Variants in EPSTI1 observed in about 807,000 individuals in gnomAD.
EPSTI1 encodes the protein epithelial stromal interaction 1.
In EPSTI1, 66 loss-of-function variants were observed where a neutral mutation model predicts 49.9. The ratio of observed to expected loss-of-function variants is 1.32; its 90% CI spans 1.08 to 1.62. The LOEUF is 1.62. EPSTI1 is among the 40% of genes most tolerant of loss of function. The probability of loss-of-function intolerance (pLI) is 0.00; values close to 1 mark genes in which losing one functional copy is unlikely to be tolerated. For missense variants in EPSTI1, 394 were observed against 365.5 expected (o/e 1.08, Z -0.64); for synonymous variants, 137 against 130.7 (o/e 1.05, Z -0.33).
intron 6 of EPSTI1, among the ~76,000 whole-genome samples, chr13:42,948,424 T>TG (rs2038986350): frequency 7.5e-6 from 1 of 134,102 alleles, no homozygotes; most frequent in African/African-American, 2.8e-5. Context: ...AGTGGCTTGT[T>TG]GTTTTTTTTT....
At chr13:42,978,889 A>C (rs2039932028) in intron 1 of EPSTI1, among the ~76,000 whole-genome samples, 1 of 152,106 alleles carries the variant, frequency 6.6e-6, no homozygotes, top group South Asian at 2.1e-4. Flanking sequence ...TTCTTTCATA[A>C]ATATATATCA....
At chr13:42,906,021 A>G (rs2153413832) in intron 8 of EPSTI1, among the ~76,000 whole-genome samples, 1 of 152,342 alleles carries the variant, frequency 6.6e-6, no homozygotes, top group Non-Finnish European at 1.5e-5. Context: ...CTTCCTACAA[A>G]CATTGGCCAA....
chr13:42,963,911 C>T (rs1566163539), intron 4 of EPSTI1, among the ~76,000 whole-genome samples, 155 bp downstream of exon 4: 1 of 152,190 alleles, frequency 6.6e-6, no homozygotes, highest in African/African-American at 2.4e-5. Flanking sequence ...CTTCACTTCT[C>T]ACTTCCTGAG....
At chr13:42,913,106 GA>G (rs936444872) in intron 8 of EPSTI1, among the ~76,000 whole-genome samples, 9 of 144,132 alleles carry the variant, frequency 6.2e-5, no homozygotes, top group Admixed American at 2.1e-4. Context: ...GTGGAGAGAA[GA>G]AAAAAAACAG....
chr13:42,975,268 A>C (rs2039859242), intron 1 of EPSTI1, among the ~76,000 whole-genome samples: 1 of 152,228 alleles, frequency 6.6e-6, no homozygotes, highest in Admixed American at 6.5e-5. Flanking sequence ...GAAAATGACA[A>C]GACCAGGCCG....
chr13:42,888,573 G>T, intron 10 of EPSTI1, 71 bp from the exon 11 acceptor site: 1 of 1,502,774 alleles, frequency 6.7e-7, no homozygotes, highest in Non-Finnish European at 8.9e-7. Context: ...AGTCAAAAAT[G>T]AAGTTCCTGC....
intron 5 of EPSTI1, 114 bp downstream of exon 5, chr13:42,963,141 A>AAGAG (rs10677198): frequency 3.0e-5 from 23 of 758,042 alleles, no homozygotes; most frequent in South Asian, 3.4e-5. Context: ...GGGGAATAGA[A>AAGAG]AGAGAGAGAG....
At chr13:42,990,485 A>G (rs532176731) in intron 1 of EPSTI1, among the ~76,000 whole-genome samples, 1 of 152,342 alleles carries the variant, frequency 6.6e-6, no homozygotes, top group African/African-American at 2.4e-5. Context: ...AGTCATGCAA[A>G]TCATGTTCAT....
At position 42,917,671 on chromosome 13, in the gene EPSTI1, G is replaced by T. The variant is rs777160405; in HGVS notation, c.658-47C>A. The T allele has an allele frequency of 2.6e-5, 34 of 1,300,080 alleles. No individual in the cohort carries two copies. The East Asian group carries it at 8.6e-4, about 33-fold the overall frequency. 80.5% of individuals were successfully genotyped at this position (1,300,080 alleles called of 1,614,324 possible). A position where few individuals can be genotyped will look rare whatever the true frequency, so the allele number is the denominator to read the frequency against. Reference sequence around the variant, plus strand: ...AAAAAAAAAAAAAACAACTTGATAGGATAAAGGGTTGTCACAGTACACCAA... The same window carrying T: ...AAAAAAAAAAAAAACAACTTGATAGTATAAAGGGTTGTCACAGTACACCAA... On this transcript the variant is annotated intron_variant, in intron 7 of 10. Transcript: ENST00000313624.
At chr13:42,967,691 G>C (rs1490577237) in intron 3 of EPSTI1, among the ~76,000 whole-genome samples, 2 of 152,314 alleles carry the variant, frequency 1.3e-5, no homozygotes, top group African/African-American at 4.8e-5. Context: ...CCAGGTGGGA[G>C]ATGGGTAGCA....
intron 1 of EPSTI1, among the ~76,000 whole-genome samples, chr13:42,984,621 T>C (rs1250860187): frequency 1.3e-5 from 2 of 152,248 alleles, no homozygotes; most frequent in East Asian, 3.8e-4. Context: ...GTATTCCATC[T>C]TATAATTACA....
chr13:42,990,121 A>C (rs1321869889), intron 1 of EPSTI1, among the ~76,000 whole-genome samples: 2 of 151,852 alleles, frequency 1.3e-5, no homozygotes, highest in Non-Finnish European at 2.9e-5. Context: ...TCAGACATCA[A>C]ACCCCTAAAA....
chr13:42,982,047 A>G (rs2153435745), intron 1 of EPSTI1, among the ~76,000 whole-genome samples: 1 of 152,336 alleles, frequency 6.6e-6, no homozygotes, highest in Middle Eastern at 3.4e-3. Flanking sequence ...TCCACCTTGA[A>G]TAGGGGCTGG....
chr13:42,968,541 C>T (rs7324030), intron 3 of EPSTI1, among the ~76,000 whole-genome samples: 4 of 151,844 alleles, frequency 2.6e-5, no homozygotes, highest in Non-Finnish European at 4.4e-5. Context: ...CCGGCAAAGG[C>T]GGCCCAGACA....
intron 8 of EPSTI1, among the ~76,000 whole-genome samples, chr13:42,907,893 A>G (rs1474606532): frequency 6.6e-6 from 1 of 152,256 alleles, no homozygotes; most frequent in Admixed American, 6.5e-5. Flanking sequence ...ACAGCGTGGT[A>G]CTGGCATACA....
chr13:42,956,718 A>G (rs922368050), intron 5 of EPSTI1, among the ~76,000 whole-genome samples: 2 of 152,246 alleles, frequency 1.3e-5, no homozygotes, highest in African/African-American at 2.4e-5. Context: ...GTAACCCTGG[A>G]CAGGAAAGGG....
intron 10 of EPSTI1, among the ~76,000 whole-genome samples, chr13:42,890,294 TTC>T (rs1477985688): frequency 1.0e-5 from 1 of 97,538 alleles, no homozygotes; most frequent in Non-Finnish European, 2.1e-5. Flanking sequence ...TTTTTTTCTT[TTC>T]TTTTTTTTTT....
chr13:42,923,257 C>T (rs757279682), intron 7 of EPSTI1, among the ~76,000 whole-genome samples: 4 of 152,112 alleles, frequency 2.6e-5, no homozygotes, highest in African/African-American at 4.8e-5. Flanking sequence ...CGTTATTCTT[C>T]GTTGAGGAAG....
intron 1 of EPSTI1, among the ~76,000 whole-genome samples, chr13:42,986,811 G>T (rs995835512): frequency 6.6e-6 from 1 of 151,286 alleles, no homozygotes; most frequent in African/African-American, 2.4e-5. Context: ...GAGAGGCGGG[G>T]GCTGGAGATT....
Sources: allele counts gnomAD v4.1 joint callset (sites outside exome capture counted in the v4.1 genomes callset), GRCh38; gene constraint gnomAD v4.1.1; transcripts MANE v1.5; gene names NCBI Gene and HGNC (gene_info 2026-07-23, HGNC 2026-07-21).